AEBP2: variants seen among roughly 807,000 people sequenced by gnomAD.
The protein encoded by AEBP2 is zinc finger protein AEBP2.
In AEBP2, 10 loss-of-function variants were observed where a neutral mutation model predicts 50.8. That is an observed-to-expected ratio of 0.20 (90% CI 0.12 to 0.33). The LOEUF (loss-of-function observed/expected upper bound fraction) is 0.33. Among genes scored for constraint, AEBP2 ranks in the 10% least tolerant of loss-of-function variants. The pLI is 1.00. For missense variants in AEBP2, 570 were observed against 688.0 expected (o/e 0.83, Z 1.92); for synonymous variants, 296 against 261.3 (o/e 1.13, Z -1.28).
rs1224409314 is a variant in AEBP2 at position 19,439,892 on chromosome 12, G to A, written c.193G>A (p.Gly65Arg). Residue 65 changes from glycine (G) to arginine (R), a missense_variant, in exon 1 of 8, where the codon GGG (glycine) becomes AGG (arginine). Around this residue, in one of 2 missense-constraint regions of AEBP2, gnomAD observed 386 missense variants for 336.8 expected, o/e 1.15. Coordinates refer to ENST00000266508, the MANE Select transcript of AEBP2 (RefSeq NM_153207.5). ...GCTGCTGCTGAACGGCGGCAGCGGT[G>A]GGGGCGGCGGAGGCGGCGGCGGAGG... ...AALLLNGGSG[G>R]GGGGGGGGVG... The A allele has an allele frequency of 2.0e-6, 3 of 1,486,514 alleles. No homozygotes were observed. The highest frequency in any genetic ancestry group is 2.6e-5 in the South Asian group (2 of 78,368). The allele number at this position is 1,486,514 out of a possible 1,614,324, so 92.1% of individuals were successfully genotyped here. A position where few individuals can be genotyped will look rare whatever the true frequency, so the allele number is the denominator to read the frequency against.
chr12:19,467,551 C>T (rs1349680930), intron 2 of AEBP2, among the ~76,000 whole-genome samples: 2 of 152,160 alleles, frequency 1.3e-5, no homozygotes, highest in Non-Finnish European at 2.9e-5. Context: ...GCCTCTGGCT[C>T]CCAAAGTGCT....
chr12:19,480,738 T>A (rs1948714992), intron 3 of AEBP2, among the ~76,000 whole-genome samples: 1 of 152,192 alleles, frequency 6.6e-6, no homozygotes, highest in East Asian at 1.9e-4. Flanking sequence ...GCATCTTGAC[T>A]TTAGATAACC....
intron 1 of AEBP2, among the ~76,000 whole-genome samples, chr12:19,460,053 A>G (rs188106735): frequency 5.6e-4 from 86 of 152,266 alleles, no homozygotes; most frequent in African/African-American, 1.9e-3. Context: ...ACAGAAATTT[A>G]AAAAATTTAG....
chr12:19,499,505 G>A (rs1949035078), intron 4 of AEBP2, among the ~76,000 whole-genome samples: 2 of 151,554 alleles, frequency 1.3e-5, no homozygotes, highest in South Asian at 2.1e-4. Context: ...TCCCAGCTAC[G>A]CAGGAGGTTG....
chr12:19,443,046 T>A (rs1426123660), intron 1 of AEBP2, among the ~76,000 whole-genome samples: 1 of 152,218 alleles, frequency 6.6e-6, no homozygotes, highest in African/African-American at 2.4e-5. Flanking sequence ...CGTTGTGCTT[T>A]TTAGTTTATC....
At chr12:19,515,894 G>GTTT (rs1949310074) in intron 7 of AEBP2, among the ~76,000 whole-genome samples, 1 of 152,118 alleles carries the variant, frequency 6.6e-6, no homozygotes, top group South Asian at 2.1e-4. Flanking sequence ...AAGTCTAGGA[G>GTTT]TTCGAGACCA....
chr12:19,446,539 C>T (rs1014336405), intron 1 of AEBP2, among the ~76,000 whole-genome samples: 4 of 152,108 alleles, frequency 2.6e-5, no homozygotes, highest in Non-Finnish European at 5.9e-5. Flanking sequence ...ACCATCCTGG[C>T]TAACACGGTG....
At chr12:19,456,028 T>A (rs910614290) in intron 1 of AEBP2, among the ~76,000 whole-genome samples, 1 of 152,054 alleles carries the variant, frequency 6.6e-6, no homozygotes, top group Admixed American at 6.6e-5. Flanking sequence ...CATTAAAAAG[T>A]ACTGATTTTA....
chr12:19,473,084 A>G (rs1948594290), intron 2 of AEBP2, among the ~76,000 whole-genome samples, 164 bp from the exon 3 acceptor site: 1 of 152,088 alleles, frequency 6.6e-6, no homozygotes, highest in Non-Finnish European at 1.5e-5. Flanking sequence ...GGCTTATACT[A>G]GGATGTTTTG....
At chr12:19,493,778 T>C (rs1948929195) in intron 3 of AEBP2, 22 bp from the exon 4 acceptor site, 1 of 1,609,638 alleles carries the variant, frequency 6.2e-7, no homozygotes, top group Admixed American at 1.7e-5. Flanking sequence ...CCTGACGTTA[T>C]TTCTGTTTTA....
chr12:19,468,965 C>T (rs1034885865), intron 2 of AEBP2, among the ~76,000 whole-genome samples: 1 of 152,198 alleles, frequency 6.6e-6, no homozygotes, highest in African/African-American at 2.4e-5. Flanking sequence ...CACTCTGTCA[C>T]CCAGGCTGGA....
intron 3 of AEBP2, among the ~76,000 whole-genome samples, chr12:19,479,087 T>C (rs1265405297): frequency 6.6e-6 from 1 of 152,144 alleles, no homozygotes; most frequent in Non-Finnish European, 1.5e-5. Context: ...TGCACACTTG[T>C]AGTCCTAGCT....
At position 19,446,445 on chromosome 12, in the gene AEBP2, A is replaced by G. The variant is rs550318085; in HGVS notation, c.671+6075A>G. ...AGGACAGTGTAACAAGATCCCATCTACAGGCGGGACACGGTAGCTCACGCC... is the reference window on the plus strand; with the variant it reads ...AGGACAGTGTAACAAGATCCCATCTGCAGGCGGGACACGGTAGCTCACGCC... On this transcript the variant is annotated intron_variant, in intron 1 of 7. Coordinates refer to ENST00000266508, the MANE Select transcript of AEBP2 (RefSeq NM_153207.5). Among the ~76,000 whole-genome samples, 42 of 152,200 alleles carry G rather than the reference A, an allele frequency of 2.8e-4. No homozygotes were observed. In the East Asian group the frequency reaches 7.7e-3, roughly 28 times the overall value.
chr12:19,417,953 C>T (rs905461183), intron 1 of AEBP2, among the ~76,000 whole-genome samples: 4 of 152,110 alleles, frequency 2.6e-5, no homozygotes, highest in East Asian at 1.9e-4. Context: ...CCACCTGCCT[C>T]GGCCTCCCAA....
rs575689700 is a variant in AEBP2 at position 19,518,832 on chromosome 12, A to T, written c.*715A>T. 1.2e-6 allele frequency: 1 copy of T among 804,158 alleles called. No individual in the cohort carries two copies. Among genetic ancestry groups the T allele is most frequent in the Non-Finnish European group, 1.9e-6 (1 of 538,936 alleles). 49.8% of individuals were successfully genotyped at this position (804,158 alleles called of 1,614,324 possible). A position where few individuals can be genotyped will look rare whatever the true frequency, so the allele number is the denominator to read the frequency against. On this transcript the variant is annotated 3_prime_UTR_variant, in exon 8 of 8. Transcript: ENST00000266508. ...CCCTTTTCAGGACTAGGGCTTTCTC[A>T]TGGAGTACAGTATGTTAATATTTAC...
intron 1 of AEBP2, among the ~76,000 whole-genome samples, chr12:19,405,791 C>T (rs2095735907): frequency 6.6e-6 from 1 of 151,944 alleles, no homozygotes; most frequent in South Asian, 2.1e-4. Context: ...ATCAATGAAC[C>T]TATAAACCTA....
In AEBP2 at chr12:19,518,417, C is replaced by T. The variant is rs1461030689; in HGVS notation, c.*300C>T. The stretch of plus-strand genomic sequence containing the variant: ...GTAGAACAGCTTCTTAAAGGCTTTG[C>T]ATGCTTGCTGCTTTAAGCTGCTTTT... On this transcript the variant is annotated 3_prime_UTR_variant, in exon 8 of 8. Coordinates refer to ENST00000266508, the MANE Select transcript of AEBP2 (RefSeq NM_153207.5). The T allele has an allele frequency of 1.6e-6, 2 of 1,228,636 alleles. No individual in the cohort carries two copies. Among genetic ancestry groups the T allele is most frequent in the Admixed American group, 4.0e-5 (1 of 25,150 alleles). 76.1% of individuals were successfully genotyped at this position (1,228,636 alleles called of 1,614,324 possible). A position where few individuals can be genotyped will look rare whatever the true frequency, so the allele number is the denominator to read the frequency against.
At chr12:19,482,922 G>A (rs1413477346) in intron 3 of AEBP2, among the ~76,000 whole-genome samples, 1 of 152,136 alleles carries the variant, frequency 6.6e-6, no homozygotes, top group African/African-American at 2.4e-5. Context: ...TGCAGTGGGT[G>A]AAGCCACTCT....
At chr12:19,496,246 TTC>T (rs1263216911) in intron 4 of AEBP2, among the ~76,000 whole-genome samples, 6 of 152,202 alleles carry the variant, frequency 3.9e-5, no homozygotes, top group African/African-American at 1.4e-4. Context: ...AAGTATATGT[TTC>T]TTTTGACGGT....
Sources: allele counts gnomAD v4.1 joint callset (sites outside exome capture counted in the v4.1 genomes callset), GRCh38; gene constraint gnomAD v4.1.1; regional missense constraint gnomAD v4.1.1; transcripts MANE v1.5; gene names NCBI Gene and HGNC (gene_info 2026-07-23, HGNC 2026-07-21).